Variants in DGAT1 observed in about 807,000 individuals in gnomAD.
DGAT1 encodes ACAT related gene product 1.
In DGAT1, 60 loss-of-function variants were observed where a neutral mutation model predicts 72.6. That is an observed-to-expected ratio of 0.83 (90% CI 0.67 to 1.02). The LOEUF (loss-of-function observed/expected upper bound fraction) is 1.02, where lower values mean the gene tolerates loss of function less well. Among genes scored for constraint, DGAT1 ranks in the 50% least tolerant of loss-of-function variants. DGAT1 has a pLI of 0.00. For missense variants in DGAT1, 592 were observed against 670.0 expected (o/e 0.88, Z 1.29); for synonymous variants, 290 against 267.5 (o/e 1.08, Z -0.82).
At position 144,317,706 on chromosome 8, in the gene DGAT1, C is replaced by A; in HGVS notation, c.901G>T (p.Val301Phe). 1 of 1,613,774 alleles carries A rather than the reference C, an allele frequency of 6.2e-7. No individual in the cohort carries two copies. Among genetic ancestry groups the A allele is most frequent in the Non-Finnish European group, 8.5e-7 (1 of 1,179,980 alleles). Residue 301 changes from valine to phenylalanine, a missense_variant, in exon 11 of 17, where the codon GTC (valine) becomes TTC (phenylalanine). Coordinates refer to ENST00000528718, the MANE Select transcript of DGAT1 (RefSeq NM_012079.6). ...LQVGLIQQWM[V>F]PTIQNSMKPF... ...TTCATGGAGTTCTGGATGGTGGGGA[C>A]CATCCACTGCAAAGGAGGGCACCAC...
At chr8:144,321,984 C>T (rs1218668738) in intron 1 of DGAT1, among the ~76,000 whole-genome samples, 1 of 152,226 alleles carries the variant, frequency 6.6e-6, no homozygotes, top group Non-Finnish European at 1.5e-5. Flanking sequence ...GGCAGGGATC[C>T]AGCCCTCGTG....
chr8:144,322,361 C>T (rs1817481956), intron 1 of DGAT1, among the ~76,000 whole-genome samples: 2 of 152,214 alleles, frequency 1.3e-5, no homozygotes, highest in African/African-American at 4.8e-5. Flanking sequence ...TTGAGCAAGT[C>T]CTCAACTTTG....
In DGAT1 at chr8:144,317,332, C is replaced by T. The variant is rs1554847270; in HGVS notation, c.1094+1G>A. The T allele has an allele frequency of 1.9e-6, 3 of 1,613,720 alleles. No individual in the cohort carries two copies. Among genetic ancestry groups the T allele is most frequent in the Non-Finnish European group, 2.5e-6 (3 of 1,179,922 alleles). On this transcript the variant is annotated splice_donor_variant, in intron 13 of 16. Transcript: ENST00000528718. LOFTEE classifies it high-confidence loss of function. ...CCCAGGGACACCCCAGGGACACTCA[C>T]CACCAGTCCCGGTAGAACTCCCGGT...
chr8:144,315,239 C>A lies in DGAT1; in HGVS notation c.*1315G>T. On this transcript the variant is annotated 3_prime_UTR_variant, in exon 17 of 17. Coordinates refer to ENST00000528718, the MANE Select transcript of DGAT1 (RefSeq NM_012079.6). Reference sequence around the variant, plus strand: ...AGGAGCCCATGTGGGATGGAGGAGTCGGCCCCACACCCATCCCCCCACCAG... The same window carrying A: ...AGGAGCCCATGTGGGATGGAGGAGTAGGCCCCACACCCATCCCCCCACCAG... 1 of 985,482 alleles carries A rather than the reference C, an allele frequency of 1.0e-6. No individual in the cohort carries two copies. Among genetic ancestry groups the A allele is most frequent in the South Asian group, 4.7e-5 (1 of 21,288 alleles). The allele number at this position is 985,482 out of a possible 1,614,324, so 61.0% of individuals were successfully genotyped here. A position where few individuals can be genotyped will look rare whatever the true frequency, so the allele number is the denominator to read the frequency against.
chr8:144,316,814 T>C (rs1307264263), intron 16 of DGAT1, 39 bp downstream of exon 16: 1 of 1,599,626 alleles, frequency 6.3e-7, no homozygotes, highest in African/African-American at 1.3e-5. Context: ...AGGTGCGGGG[T>C]AACTGGGCGA....
intron 1 of DGAT1, 148 bp downstream of exon 1, chr8:144,326,289 C>T: frequency 1.3e-6 from 1 of 757,892 alleles, no homozygotes; most frequent in Non-Finnish European, 1.8e-6. Context: ...TCTCCCCAAG[C>T]CTCAGTTTCC....
intron 1 of DGAT1, among the ~76,000 whole-genome samples, 186 bp downstream of exon 1, chr8:144,326,251 C>T (rs1038791782): frequency 3.3e-5 from 5 of 152,154 alleles, no homozygotes; most frequent in Non-Finnish European, 7.4e-5. Context: ...AGCTCCAGAG[C>T]CCCTACCCAG....
At position 144,315,867 on chromosome 8, in the gene DGAT1, C is replaced by T. The variant is rs964930225; in HGVS notation, c.*687G>A. 12 of 985,506 alleles carry T rather than the reference C, an allele frequency of 1.2e-5. No homozygotes were observed. In the South Asian group the frequency reaches 1.4e-4, roughly 12 times the overall value. 61.0% of individuals were successfully genotyped at this position (985,506 alleles called of 1,614,324 possible). Reference sequence around the variant, plus strand: ...AGCCATGGACATAGCCATTGTGTACCGTAGCCCCTCGGCTCACCAGACCCA... The same window carrying T: ...AGCCATGGACATAGCCATTGTGTACTGTAGCCCCTCGGCTCACCAGACCCA... On this transcript the variant is annotated 3_prime_UTR_variant, in exon 17 of 17. Coordinates refer to ENST00000528718, the MANE Select transcript of DGAT1 (RefSeq NM_012079.6).
chr8:144,317,825 G>A lies in DGAT1; in HGVS notation c.856-3C>T, dbSNP rs201711241. 6,598 of 1,609,926 alleles carry A rather than the reference G, an allele frequency of 4.1e-3. 14 individuals are homozygous for A. The highest frequency in any genetic ancestry group is 5.2e-3 in the Non-Finnish European group (6,070 of 1,178,128). ...ACCTGGAGCTGGGTGAAGAACAGCT[G>A]GGGGGGAAACAGAGAGCAGCCAGCT... On this transcript the variant is annotated splice_region_variant and splice_polypyrimidine_tract_variant and intron_variant, in intron 9 of 16. Transcript: ENST00000528718.
At chr8:144,323,078 G>A (rs1334148942) in intron 1 of DGAT1, among the ~76,000 whole-genome samples, 1 of 152,178 alleles carries the variant, frequency 6.6e-6, no homozygotes, top group African/African-American at 2.4e-5. Context: ...TCTTCCCCAA[G>A]TTCGAGCCCA....
chr8:144,316,646 G>C lies in DGAT1; in HGVS notation c.1375C>G (p.Leu459Val). 6.2e-7 allele frequency: 1 copy of C among 1,611,052 alleles called. No individual in the cohort carries two copies. Among genetic ancestry groups the C allele is most frequent in the Non-Finnish European group, 8.5e-7 (1 of 1,179,250 alleles). The change falls in exon 17 of 17, where the codon CTG becomes GTG. Residue 459 changes from leucine to valine, a missense_variant. Physicochemically the swap from Leu to Val is conservative, Grantham distance 32 (BLOSUM62 1). Coordinates refer to ENST00000528718, the MANE Select transcript of DGAT1 (RefSeq NM_012079.6). ...ATTGGCTGTCCGATGATGAGCGACA[G>C]CCACACAGCTGCGTTGCCATAGTTG... ...QGNYGNAAVW[L>V]SLIIGQPIAV...
intron 8 of DGAT1, 23 bp from the exon 9 acceptor site, chr8:144,318,040 G>A: frequency 6.6e-7 from 1 of 1,517,758 alleles, no homozygotes; most frequent in Non-Finnish European, 8.8e-7. Context: ...TGGGGGGTTG[G>A]TACCAGAACA....
Position 144,316,698 on chromosome 8 carries a change from G to T in DGAT1, c.1323C>A (p.Ala441=). 6.2e-7 allele frequency: 1 copy of T among 1,612,166 alleles called. No individual in the cohort carries two copies. The highest frequency in any genetic ancestry group is 2.2e-5 in the East Asian group (1 of 44,852). The part of the protein sequence containing the change: ...FTGMMAQIPL[A]WFVGRFFQGN... ...CCTGGAAAAAGCGGCCCACGAACCA[G>T]GCCAGTGGGATCTAGGGAGTGAGGG... Residue 441 remains alanine, a synonymous_variant, in exon 17 of 17, where the codon GCC becomes GCA. Transcript: ENST00000528718.
At position 144,321,328 on chromosome 8, in the gene DGAT1, A is replaced by G. The variant is rs1817450776; in HGVS notation, c.281T>C (p.Val94Ala). The G allele has an allele frequency of 6.2e-7, 1 of 1,613,778 alleles. No homozygotes were observed. Among genetic ancestry groups the G allele is most frequent in the African/African-American group, 1.3e-5 (1 of 74,914 alleles). The change falls in exon 2 of 17, where the codon GTG (valine) becomes GCG (alanine). Residue 94 changes from valine (V) to alanine (A), a missense_variant. Transcript: ENST00000528718. ...NYRGILNWCVVMLILSNARLF... is the reference protein window; with the variant it reads ...NYRGILNWCVAMLILSNARLF... The stretch of plus-strand genomic sequence containing the variant: ...ACACCATGTCCCACTCACCAGCATC[A>G]CCACACACCAGTTCAGGATGCCACG...
rs782149755 is a variant in DGAT1, at chr8:144,315,235, G to T, written c.*1319C>A. ...GCACAGGAGCCCATGTGGGATGGAG[G>T]AGTCGGCCCCACACCCATCCCCCCA... On this transcript the variant is annotated 3_prime_UTR_variant, in exon 17 of 17. Coordinates refer to ENST00000528718, the MANE Select transcript of DGAT1 (RefSeq NM_012079.6). 2.0e-6 allele frequency: 2 copies of T among 985,518 alleles called. No individual in the cohort carries two copies. Among genetic ancestry groups the T allele is most frequent in the Non-Finnish European group, 2.4e-6 (2 of 829,998 alleles). 61.0% of individuals were successfully genotyped at this position (985,518 alleles called of 1,614,324 possible). A position where few individuals can be genotyped will look rare whatever the true frequency, so the allele number is the denominator to read the frequency against.
At position 144,317,247 on chromosome 8, in the gene DGAT1, G is replaced by C; in HGVS notation, c.1100C>G (p.Ser367Cys). 6.2e-7 allele frequency: 1 copy of C among 1,610,728 alleles called. No individual in the cohort carries two copies. Among genetic ancestry groups the C allele is most frequent in the Non-Finnish European group, 8.5e-7 (1 of 1,177,718 alleles). Residue 367 changes from serine (S) to cysteine (C), a missense_variant, in exon 14 of 17, where the codon TCC (serine) becomes TGC (cysteine). Transcript: ENST00000528718. The stretch of plus-strand genomic sequence containing the variant: ...CTGCCAGAAGTAGGTGACAGACTCG[G>C]AGTTCCTGGGGGCCAAGAGACCACA... Reference protein sequence around the residue: ...DREFYRDWWNSESVTYFWQNW... With the variant: ...DREFYRDWWNCESVTYFWQNW...
rs1817262722 is a variant in DGAT1, at chr8:144,317,120, G to A, written c.1161-11C>T. The A allele has an allele frequency of 6.8e-6, 11 of 1,612,674 alleles. No homozygotes were observed. The highest frequency in any genetic ancestry group is 1.7e-5 in the Admixed American group (1 of 59,988). ...GGCTTGTAGAAGTGTCTGCAGAGGA[G>A]GGGGCATGGAAAGCGGTTCAGGTTC... On this transcript the variant is annotated splice_polypyrimidine_tract_variant and intron_variant, in intron 14 of 16. Coordinates refer to ENST00000528718, the MANE Select transcript of DGAT1 (RefSeq NM_012079.6).
In DGAT1 at chr8:144,318,260, C is replaced by A; in HGVS notation, c.676+1G>T. On this transcript the variant is annotated splice_donor_variant, in intron 7 of 16. Transcript: ENST00000528718. LOFTEE classifies it high-confidence loss of function. ...AGCCCCAGCCCCTGGCAGCCCCTCA[C>A]CAGCCTTGGCCCTGGCCCTGCGGCA... is the stretch of plus-strand genomic sequence containing the variant. The A allele has an allele frequency of 1.2e-6, 2 of 1,612,610 alleles. No homozygotes were observed. The highest frequency in any genetic ancestry group is 4.5e-5 in the East Asian group (2 of 44,872).
rs1817322648 is a variant in DGAT1, at chr8:144,318,331, G to A, written c.606C>T (p.Thr202=). The change falls in exon 7 of 17, where the codon ACC becomes ACT. Residue 202 remains threonine, a synonymous_variant. Transcript: ENST00000528718. Reference sequence around the variant, plus strand: ...AGGAGAAGAGCTTGAGGAAGAGGATGGTGTGCGCCATCAGCGCCAGCAGGG... The same window carrying A: ...AGGAGAAGAGCTTGAGGAAGAGGATAGTGTGCGCCATCAGCGCCAGCAGGG... ...VGSLLALMAH[T]ILFLKLFSYR... is the part of the protein sequence containing the mutation. The A allele has an allele frequency of 6.2e-7, 1 of 1,612,338 alleles. No homozygotes were observed. The highest frequency in any genetic ancestry group is 1.7e-4 in the Middle Eastern group (1 of 6,058).
Sources: gnomAD v4.1 joint callset for allele counts (sites outside exome capture counted in the v4.1 genomes callset) on GRCh38, gnomAD v4.1.1 for gene constraint, MANE v1.5 for transcripts, NCBI Gene and HGNC (gene_info 2026-07-23, HGNC 2026-07-21) for gene names.